Variants in MAMDC4 observed in about 807,000 individuals in gnomAD.
MAMDC4 encodes the protein apical endosomal glycoprotein.
MAMDC4 carries 168 observed loss-of-function variants against 153.3 expected under a neutral mutation model. That is an observed-to-expected ratio of 1.10 (90% CI 0.97 to 1.25). MAMDC4 has a LOEUF of 1.25. Ranked by LOEUF, MAMDC4 falls within the 50% of genes most tolerant of loss-of-function variation. The probability of loss-of-function intolerance (pLI) is 0.00; values close to 1 mark genes in which losing one functional copy is unlikely to be tolerated. For missense variants in MAMDC4, 1,701 were observed against 1,542.8 expected (o/e 1.10, Z -1.72); for synonymous variants, 744 against 651.5 (o/e 1.14, Z -2.16).
In MAMDC4 at chr9:136,853,105, G is replaced by C; in HGVS notation, c.50G>C (p.Gly17Ala). The change falls in exon 2 of 27, where the codon GGG (glycine) becomes GCG (alanine). Residue 17 changes from glycine to alanine, a missense_variant. Physicochemically the swap from Gly to Ala is moderately conservative, Grantham distance 60 (BLOSUM62 0). Coordinates refer to ENST00000317446, the MANE Select transcript of MAMDC4 (RefSeq NM_206920.3). ...CTGGCTGTCAACCTCCCAGCAGCAG[G>C]GTCCTCAGGCTGGGCCTGGGTCCCC... ...LLPALVLFLA[G>A]SSGWAWVPNH... The C allele has an allele frequency of 6.2e-7, 1 of 1,612,232 alleles. No homozygotes were observed. The highest frequency in any genetic ancestry group is 8.5e-7 in the Non-Finnish European group (1 of 1,179,698).
chr9:136,856,165 G>A lies in MAMDC4; in HGVS notation c.1720+16G>A, dbSNP rs766260517. 16 of 1,611,580 alleles carry A rather than the reference G, an allele frequency of 9.9e-6. No individual in the cohort carries two copies. Among genetic ancestry groups the A allele is most frequent in the Middle Eastern group, 1.7e-4 (1 of 6,054 alleles). On this transcript the variant is annotated intron_variant, in intron 14 of 26. Coordinates refer to ENST00000317446, the MANE Select transcript of MAMDC4 (RefSeq NM_206920.3). ...CAGCCCCGAGGTACCGCCACACTCC[G>A]CAAGTTCCCTGGCCAGCCCCTGGGT...
Position 136,853,430 on chromosome 9 carries a change from C to A in MAMDC4, c.300C>A (p.His100Gln). ...AGAALEGPGPHSDHTLGTDLG... is the reference protein window; with the variant it reads ...AGAALEGPGPQSDHTLGTDLG... The stretch of plus-strand genomic sequence containing the variant: ...CCGCACTGGAGGGTCCTGGGCCTCA[C>A]TCAGACCACACACTGGGCACCGACT... The change falls in exon 3 of 27, where the codon CAC becomes CAA. Residue 100 changes from histidine to glutamine, a missense_variant. Physicochemically the swap from His to Gln is conservative, Grantham distance 24 (BLOSUM62 0). Transcript: ENST00000317446. 6.2e-7 allele frequency: 1 copy of A among 1,602,192 alleles called. No homozygotes were observed.
rs1848991569 is a variant in MAMDC4 at position 136,855,516 on chromosome 9, C to CG, written c.1368_1369insG (p.Cys457ValfsTer20). The CG allele has an allele frequency of 6.3e-7, 1 of 1,594,436 alleles. No individual in the cohort carries two copies. Among genetic ancestry groups the CG allele is most frequent in the Non-Finnish European group, 8.5e-7 (1 of 1,170,908 alleles). Reference sequence around the variant, plus strand: ...CGCCCAGCTCGCGGCTCCAGGATTCCTGCAAGCAGGGGCATCTTGCCTGCG... The same window carrying CG: ...CGCCCAGCTCGCGGCTCCAGGATTCCGTGCAAGCAGGGGCATCTTGCCTGCG... On this transcript the variant is annotated frameshift_variant, in exon 12 of 27. Coordinates refer to ENST00000317446, the MANE Select transcript of MAMDC4 (RefSeq NM_206920.3). LOFTEE classifies it high-confidence loss of function.
rs978247597 is a variant in MAMDC4 at position 136,858,650 on chromosome 9, G to A, written c.2822-69G>A. 7.5e-5 allele frequency: 120 copies of A among 1,599,318 alleles called. 1 individual carries two copies. Among genetic ancestry groups the A allele is most frequent in the South Asian group, 6.0e-4 (54 of 89,622 alleles). On this transcript the variant is annotated intron_variant, in intron 22 of 26. Coordinates refer to ENST00000317446, the MANE Select transcript of MAMDC4 (RefSeq NM_206920.3). ...CCATCCAGAGGAGGCCCTGCTCACC[G>A]AGCCTCTGCTCGGGCCCTGAGGGCT...
Position 136,854,996 on chromosome 9 carries a change from G to C in MAMDC4, c.1083G>C (p.Gln361His). 3 of 1,603,850 alleles carry C rather than the reference G, an allele frequency of 1.9e-6. No homozygotes were observed. The highest frequency in any genetic ancestry group is 1.7e-6 in the Non-Finnish European group (2 of 1,176,998). ...SEAGCLQLFL[Q>H]TLGPGAPRAP... ...CTGGCTGCCTCCAGCTGTTCCTGCA[G>C]ACTCTGGGGCCCGGCGCCCCCCGGG... is the stretch of plus-strand genomic sequence containing the variant. Residue 361 changes from glutamine to histidine, a missense_variant, in exon 10 of 27, where the codon CAG (glutamine) becomes CAC (histidine). Gln to His is a conservative substitution (Grantham distance 24). Coordinates refer to ENST00000317446, the MANE Select transcript of MAMDC4 (RefSeq NM_206920.3).
chr9:136,854,006 C>T lies in MAMDC4; in HGVS notation c.600C>T (p.Ala200=). 6.2e-7 allele frequency: 1 copy of T among 1,612,936 alleles called. No individual in the cohort carries two copies. The highest frequency in any genetic ancestry group is 1.1e-5 in the South Asian group (1 of 91,080). Residue 200 remains alanine (A), a synonymous_variant, in exon 6 of 27, where the codon GCC becomes GCT. Coordinates refer to ENST00000317446, the MANE Select transcript of MAMDC4 (RefSeq NM_206920.3). ...GTTCTCTTCAGGTGACCTTCTCTGC[C>T]ACCCGAAATGCCACCCACAGGGGCG... is the stretch of plus-strand genomic sequence containing the variant. The part of the protein sequence containing the change: ...IRGDFRVTFS[A]TRNATHRGAV...
At chr9:136,858,609 CCA>C in intron 22 of MAMDC4, 63 bp downstream of exon 22, 3 of 1,580,088 alleles carry the variant, frequency 1.9e-6, no homozygotes, top group South Asian at 2.3e-5. Context: ...TGCTGCCCAC[CCA>C]CAGAGTACAT....
rs970774231 is a variant in MAMDC4 at position 136,854,234 on chromosome 9, G to A, written c.694G>A (p.Gly232Arg). 7 of 1,612,132 alleles carry A rather than the reference G, an allele frequency of 4.3e-6. No individual in the cohort carries two copies. Among genetic ancestry groups the A allele is most frequent in the Non-Finnish European group, 5.9e-6 (7 of 1,179,746 alleles). Reference protein sequence around the residue: ...LPTPQANCPPGHHHCQNKVCV... With the variant: ...LPTPQANCPPRHHHCQNKVCV... Reference sequence around the variant, plus strand: ...AGCCCCCCAGGCCAACTGTCCCCCGGGACACCACCACTGCCAGAACAAGGT... The same window carrying A: ...AGCCCCCCAGGCCAACTGTCCCCCGAGACACCACCACTGCCAGAACAAGGT... Residue 232 changes from glycine (G) to arginine (R), a missense_variant, in exon 7 of 27, where the codon GGA (glycine) becomes AGA (arginine). Coordinates refer to ENST00000317446, the MANE Select transcript of MAMDC4 (RefSeq NM_206920.3).
rs759630034 is a variant in MAMDC4 at position 136,854,640 on chromosome 9, T to C, written c.898T>C (p.Trp300Arg). The C allele has an allele frequency of 6.2e-7, 1 of 1,609,416 alleles. No homozygotes were observed. Among genetic ancestry groups the C allele is most frequent in the East Asian group, 2.2e-5 (1 of 44,626 alleles). The change falls in exon 8 of 27, where the codon TGG becomes CGG. Residue 300 changes from tryptophan to arginine, a missense_variant. Transcript: ENST00000317446. ...HRAGGPERPS[W>R]PRRDHSRNSA... is the part of the protein sequence containing the mutation. ...CGCTGGTGGTCCTGAGCGCCCCTCC[T>C]GGCCACGCCGTGACCACAGCCGGAA...
Position 136,855,887 on chromosome 9 carries a change from T to C in MAMDC4, c.1588+39T>C, listed in dbSNP as rs201398771. 5.9e-5 allele frequency: 87 copies of C among 1,478,922 alleles called. No individual in the cohort carries two copies. In the East Asian group the frequency reaches 2.1e-3, roughly 36 times the overall value. The allele number at this position is 1,478,922 out of a possible 1,614,324, so 91.6% of individuals were successfully genotyped here. The stretch of plus-strand genomic sequence containing the variant: ...CCCAAGGCTCAAGCCCCCGCCCGGG[T>C]GTGAGCAGCGTCCTCAGAGGGGTCT... On this transcript the variant is annotated intron_variant, in intron 13 of 26. Transcript: ENST00000317446.
Position 136,855,825 on chromosome 9 carries a change from A to G in MAMDC4, c.1565A>G (p.Gln522Arg), listed in dbSNP as rs761989564. The stretch of plus-strand genomic sequence containing the variant: ...CGGCGTGTCTCAGCCCAGGAGAGCC[A>G]GGGGTCCAGTGCAGCTGCTGCTGGT... Reference protein sequence around the residue: ...QWRRVSAQESQGSSAAAAGHF... With the variant: ...QWRRVSAQESRGSSAAAAGHF... The change falls in exon 13 of 27, where the codon CAG (glutamine) becomes CGG (arginine). Residue 522 changes from glutamine to arginine, a missense_variant. Physicochemically the swap from Gln to Arg is conservative, Grantham distance 43. Transcript: ENST00000317446. 3 of 1,527,974 alleles carry G rather than the reference A, an allele frequency of 2.0e-6. No homozygotes were observed. Among genetic ancestry groups the G allele is most frequent in the Non-Finnish European group, 2.6e-6 (3 of 1,136,858 alleles). The allele number at this position is 1,527,974 out of a possible 1,614,324, so 94.7% of individuals were successfully genotyped here.
Position 136,857,961 on chromosome 9 carries a change from G to C in MAMDC4, c.2465-18G>C, listed in dbSNP as rs771791725. ...GTGCTCTCCCCACACTGCTGACCTGGGCCGCCCCTGCTGGCAGGCACCCTG... is the reference window on the plus strand; with the variant it reads ...GTGCTCTCCCCACACTGCTGACCTGCGCCGCCCCTGCTGGCAGGCACCCTG... On this transcript the variant is annotated intron_variant, in intron 19 of 26. Transcript: ENST00000317446. 28 of 1,493,838 alleles carry C rather than the reference G, an allele frequency of 1.9e-5. No homozygotes were observed. The South Asian group carries it at 3.0e-4, about 16-fold the overall frequency. 92.5% of individuals were successfully genotyped at this position (1,493,838 alleles called of 1,614,324 possible).
In MAMDC4 at chr9:136,858,693, G is replaced by A. The variant is rs752914356; in HGVS notation, c.2822-26G>A. The A allele has an allele frequency of 2.5e-6, 4 of 1,611,212 alleles. No homozygotes were observed. The African/African-American group carries it at 5.3e-5, about 22-fold the overall frequency. ...TGAGGGCTGGCTCTGCCCATCAGCTGGGCATCAGCCTCCTCTTGTTCCCAG... is the reference window on the plus strand; with the variant it reads ...TGAGGGCTGGCTCTGCCCATCAGCTAGGCATCAGCCTCCTCTTGTTCCCAG... On this transcript the variant is annotated intron_variant, in intron 22 of 26. Transcript: ENST00000317446.
intron 24 of MAMDC4, 30 bp downstream of exon 24, chr9:136,859,162 T>C: frequency 1.3e-6 from 2 of 1,588,994 alleles, no homozygotes; most frequent in Non-Finnish European, 1.7e-6. Context: ...AGGAGCCTCC[T>C]CCTCCTCCAC....
chr9:136,858,756 CG>C lies in MAMDC4; in HGVS notation c.2864del (p.Gly955AlafsTer36). ...AFFETGVLGP[G>X]GRAAWLRSEP... The stretch of plus-strand genomic sequence containing the variant: ...TCTTTGAAACTGGCGTGCTGGGCCC[CG>C]GGGGCCGGGCCGCCTGGCTGCGCAG... On this transcript the variant is annotated frameshift_variant, in exon 23 of 27. Coordinates refer to ENST00000317446, the MANE Select transcript of MAMDC4 (RefSeq NM_206920.3). LOFTEE classifies it high-confidence loss of function. 1 of 1,611,068 alleles carries C rather than the reference CG, an allele frequency of 6.2e-7. No homozygotes were observed. Among genetic ancestry groups the C allele is most frequent in the Admixed American group, 1.7e-5 (1 of 59,618 alleles).
Position 136,858,228 on chromosome 9 carries a change from G to A in MAMDC4, c.2626G>A (p.Val876Met), listed in dbSNP as rs374689216. The change falls in exon 21 of 27, where the codon GTG becomes ATG. Residue 876 changes from valine to methionine, a missense_variant. Transcript: ENST00000317446. The part of the protein sequence containing the change: ...AVAAGVAHSY[V>M]ALDDLLLQDG... ...GGCCGCAGGCGTGGCACACTCCTAC[G>A]TGGCTCTGGATGATCTGCTCCTCCA... 42 of 1,601,006 alleles carry A rather than the reference G, an allele frequency of 2.6e-5. No individual in the cohort carries two copies. The highest frequency in any genetic ancestry group is 1.6e-4 in the Middle Eastern group (1 of 6,076).
At chr9:136,856,638 G>C in intron 14 of MAMDC4, 72 bp from the exon 15 acceptor site, 1 of 1,474,686 alleles carries the variant, frequency 6.8e-7, no homozygotes, top group Non-Finnish European at 9.5e-7. Context: ...AGGGACCCCG[G>C]AGCTTCCACC....
In MAMDC4 at chr9:136,854,939, G is replaced by A. The variant is rs1044794699; in HGVS notation, c.1026G>A (p.Leu342=). ...FQASGTSNCS[L]VFYQYLSGSE... is the part of the protein sequence containing the mutation. ...CCAGCCAGCTCTTGGTTCCACAGCT[G>A]GTCTTCTATCAGTACCTGAGTGGGT... Residue 342 remains leucine, a splice_region_variant and synonymous_variant, in exon 10 of 27, where the codon CTG becomes CTA. Coordinates refer to ENST00000317446, the MANE Select transcript of MAMDC4 (RefSeq NM_206920.3). The A allele has an allele frequency of 6.2e-7, 1 of 1,611,806 alleles. No homozygotes were observed. Among genetic ancestry groups the A allele is most frequent in the East Asian group, 2.2e-5 (1 of 44,856 alleles).
At position 136,858,176 on chromosome 9, in the gene MAMDC4, C is replaced by A; in HGVS notation, c.2584-10C>A. On this transcript the variant is annotated splice_polypyrimidine_tract_variant and intron_variant, in intron 20 of 26. Transcript: ENST00000317446. Reference sequence around the variant, plus strand: ...GACCCGCTGAGGCTGCCCTGCCCTGCACCCGCCAGGTGGTGTTTGAGGCAG... The same window carrying A: ...GACCCGCTGAGGCTGCCCTGCCCTGAACCCGCCAGGTGGTGTTTGAGGCAG... 6.3e-7 allele frequency: 1 copy of A among 1,575,980 alleles called. No homozygotes were observed. Among genetic ancestry groups the A allele is most frequent in the South Asian group, 1.1e-5 (1 of 87,680 alleles).
Sources: allele counts gnomAD v4.1 joint callset, GRCh38; gene constraint gnomAD v4.1.1; transcripts MANE v1.5; gene names NCBI Gene and HGNC (gene_info 2026-07-23, HGNC 2026-07-21).